PDE1A: variants seen among roughly 807,000 people sequenced by gnomAD.
The protein encoded by PDE1A is phosphodiesterase 1A, also known as dual specificity calcium/calmodulin-dependent 3',5'-cyclic nucleotide phosphodiesterase 1A.
In PDE1A, 35 loss-of-function variants were observed where a neutral mutation model predicts 61.7. The observed-to-expected ratio is 0.57, with a 90% CI of 0.43 to 0.75. The LOEUF (loss-of-function observed/expected upper bound fraction) is 0.75. Ranked by LOEUF, PDE1A falls within the 30% of genes least tolerant of loss-of-function variation. PDE1A has a pLI of 0.00. For missense variants in PDE1A, 597 were observed against 630.6 expected, an observed-to-expected ratio of 0.95 and a Z score of 0.57; for synonymous variants, 232 against 213.2, an observed-to-expected ratio of 1.09 and a Z score of -0.77.
intron 2 of PDE1A, among the ~76,000 whole-genome samples, chr2:182,484,947 GAC>G (rs1687923354): frequency 6.6e-6 from 1 of 152,028 alleles, no homozygotes; most frequent in Admixed American, 6.6e-5. Context: ...CAATGTGAAA[GAC>G]AGTGTGGCGA....
intron 2 of PDE1A, among the ~76,000 whole-genome samples, chr2:182,484,793 T>C (rs1241330413): frequency 2.0e-5 from 3 of 151,540 alleles, no homozygotes; most frequent in South Asian, 4.2e-4. Flanking sequence ...TATTACAGAA[T>C]GCAAATAAAA....
intron 2 of PDE1A, among the ~76,000 whole-genome samples, chr2:182,521,990 C>T (rs995379145): frequency 5.9e-5 from 9 of 152,026 alleles, no homozygotes; most frequent in Admixed American, 5.3e-4. Flanking sequence ...TACCTTTCTG[C>T]ATATCTGAAC....
At chr2:182,187,307 G>A (rs1452520104) in intron 11 of PDE1A, among the ~76,000 whole-genome samples, 1 of 152,200 alleles carries the variant, frequency 6.6e-6, no homozygotes, top group Admixed American at 6.5e-5. Context: ...ATGACACACA[G>A]AGAAAAGGGC....
At chr2:182,605,025 C>G in the PDE1A span, among the ~76,000 whole-genome samples, 1 of 132,976 alleles carries the variant, frequency 7.5e-6, no homozygotes, top group Non-Finnish European at 1.6e-5. Context: ...GGGTGGGGGC[C>G]TGAGGGGAGT....
chr2:182,593,254 C>T, the PDE1A span, among the ~76,000 whole-genome samples: 7 of 152,192 alleles, frequency 4.6e-5, 1 homozygote, highest in African/African-American at 1.7e-4. Flanking sequence ...TTTTTGACTT[C>T]CCTATCACCT....
chr2:182,157,485 C>A (rs1199507402), intron 13 of PDE1A, among the ~76,000 whole-genome samples: 2 of 152,144 alleles, frequency 1.3e-5, no homozygotes, highest in African/African-American at 4.8e-5. Flanking sequence ...GACTCTAAGA[C>A]CCAATTTTAG....
Position 182,273,852 on chromosome 2 carries a change from C to T in PDE1A, c.54-9438G>A, listed in dbSNP as rs73032443. 9.1e-3 allele frequency among the ~76,000 whole-genome samples: 1,387 copies of T among 152,144 alleles called. 18 individuals are homozygous for T. The highest frequency in any genetic ancestry group is 0.031 in the African/African-American group (1,289 of 41,538). On this transcript the variant is annotated intron_variant, in intron 1 of 13. Transcript: ENST00000351439. ...TATTGGCTGAGCAAAGCAATCTCAG[C>T]ACCAGTTCCACCAAAAATAACAAAG...
intron 1 of PDE1A, among the ~76,000 whole-genome samples, chr2:182,336,020 C>G (rs758652072): frequency 6.6e-6 from 1 of 152,120 alleles, no homozygotes; most frequent in Non-Finnish European, 1.5e-5. Flanking sequence ...TGAAAAAAAG[C>G]TCATCATCAC....
chr2:182,504,676 G>A lies in PDE1A; in HGVS notation c.101+17600C>T, dbSNP rs140072638. Reference sequence around the variant, plus strand: ...ATATATGATCTCCTTTTGGATAGATGAGTTAACTTTTACAGAGAGGCATCT... The same window carrying A: ...ATATATGATCTCCTTTTGGATAGATAAGTTAACTTTTACAGAGAGGCATCT... On this transcript the variant is annotated intron_variant, in intron 2 of 14. Coordinates refer to the PDE1A transcript ENST00000410103. Among the ~76,000 whole-genome samples, 325 of 152,296 alleles carry A rather than the reference G, an allele frequency of 2.1e-3. 2 individuals are homozygous for A. Among genetic ancestry groups the A allele is most frequent in the African/African-American group, 6.9e-3 (287 of 41,560 alleles).
chr2:182,261,849 T>C (rs1425597522), intron 2 of PDE1A, among the ~76,000 whole-genome samples: 1 of 152,208 alleles, frequency 6.6e-6, no homozygotes, highest in Non-Finnish European at 1.5e-5. Flanking sequence ...ATTATGCCAT[T>C]AGAAGATGAA....
the PDE1A span, among the ~76,000 whole-genome samples, chr2:182,598,845 C>T: frequency 6.6e-6 from 1 of 152,182 alleles, no homozygotes; most frequent in South Asian, 2.1e-4. Context: ...TGGCTTAAAA[C>T]CACTTTACTA....
chr2:182,366,822 C>T (rs1216595283), intron 1 of PDE1A, among the ~76,000 whole-genome samples: 3 of 151,986 alleles, frequency 2.0e-5, no homozygotes, highest in African/African-American at 4.8e-5. Flanking sequence ...GACTAGTGGG[C>T]TTGGCAGTCG....
the PDE1A span, among the ~76,000 whole-genome samples, chr2:182,627,222 A>ATTATTT: frequency 0.046 from 1,159 of 25,374 alleles, 1 homozygote; most frequent in Admixed American, 0.078. Context: ...AAATATAAAT[A>ATTATTT]ATATATTATT....
chr2:182,447,877 C>T (rs568524686), intron 2 of PDE1A, among the ~76,000 whole-genome samples: 5 of 152,160 alleles, frequency 3.3e-5, no homozygotes, highest in South Asian at 4.1e-4. Flanking sequence ...AACAGGCTTG[C>T]GTTTCAGAGT....
At chr2:182,184,352 C>T (rs1685035118) in intron 13 of PDE1A, among the ~76,000 whole-genome samples, 1 of 151,574 alleles carries the variant, frequency 6.6e-6, no homozygotes, top group Non-Finnish European at 1.5e-5. Context: ...ATACTCAGTA[C>T]ATACAAGGAA....
intron 6 of PDE1A, among the ~76,000 whole-genome samples, chr2:182,228,695 C>T (rs1689331963): frequency 1.3e-5 from 2 of 152,092 alleles, no homozygotes; most frequent in South Asian, 4.1e-4. Flanking sequence ...TTCATAAACT[C>T]ATGTTGTCTT....
At chr2:182,495,001 C>G (rs1408192445) in intron 2 of PDE1A, among the ~76,000 whole-genome samples, 1 of 152,176 alleles carries the variant, frequency 6.6e-6, no homozygotes, top group Non-Finnish European at 1.5e-5. Context: ...TAAGGACTCC[C>G]TTTCTCATCC....
chr2:182,484,465 A>G (rs2125856285), intron 2 of PDE1A, among the ~76,000 whole-genome samples: 1 of 152,224 alleles, frequency 6.6e-6, no homozygotes, highest in Admixed American at 6.6e-5. Flanking sequence ...CGAAGACTTC[A>G]TGATAAAGAT....
At chr2:182,532,221 A>G in the PDE1A span, among the ~76,000 whole-genome samples, 1 of 152,198 alleles carries the variant, frequency 6.6e-6, no homozygotes. Flanking sequence ...GCATAGTTTC[A>G]AAGAGCTAGA....
Sources: gnomAD v4.1 joint callset for allele counts (sites outside exome capture counted in the v4.1 genomes callset) on GRCh38, gnomAD v4.1.1 for gene constraint, MANE v1.5 for transcripts, NCBI Gene and HGNC (gene_info 2026-07-23, HGNC 2026-07-21) for gene names.